The following FRMPD4 variants were observed in gnomAD, a reference collection of about 807,000 sequenced individuals.
FRMPD4 encodes FERM and PDZ domain-containing protein 4.
A neutral mutation model predicts 94.1 loss-of-function variants in FRMPD4; 22 were observed. That is an observed-to-expected ratio of 0.23 (90% CI 0.17 to 0.33). FRMPD4 has a LOEUF of 0.33. FRMPD4 is among the 10% of genes least tolerant of loss of function. The pLI is 1.00. For missense variants in FRMPD4, 1,111 were observed against 1,339.9 expected (o/e 0.83, Z 2.67); for synonymous variants, 631 against 548.6 (o/e 1.15, Z -2.10).
chrX:12,535,918 T>G (rs2058334211), intron 2 of FRMPD4, among the ~76,000 whole-genome samples: 1 of 110,720 alleles, frequency 9.0e-6, no homozygotes, highest in Non-Finnish European at 1.9e-5. Flanking sequence ...TGTAGCTCAT[T>G]GCCTGGTACC....
chrX:12,422,060 C>T (rs1206432893), intron 1 of FRMPD4, among the ~76,000 whole-genome samples: 2 of 112,043 alleles, frequency 1.8e-5, no homozygotes, highest in African/African-American at 3.2e-5. Context: ...GTATGTAAAA[C>T]ATTTCCTTTC....
chrX:11,845,206 A>G (rs1379380572), intron 1 of FRMPD4, among the ~76,000 whole-genome samples: 1 of 111,827 alleles, frequency 8.9e-6, no homozygotes, highest in Non-Finnish European at 1.9e-5. Flanking sequence ...TCTATTGACT[A>G]TTTTTCCCCT....
intron 3 of FRMPD4, among the ~76,000 whole-genome samples, chrX:11,996,402 T>C (rs377608786): frequency 7.9e-4 from 89 of 112,437 alleles, no homozygotes; most frequent in Non-Finnish European, 1.4e-3. Context: ...TTAACAATCA[T>C]GTTCCCAGAG....
intron 1 of FRMPD4, among the ~76,000 whole-genome samples, chrX:12,485,997 A>G (rs1178706010): frequency 9.0e-6 from 1 of 111,190 alleles, no homozygotes; most frequent in Non-Finnish European, 1.9e-5. Context: ...GTTGCTATCT[A>G]TTGTCAAACC....
At chrX:12,451,259 A>G (rs750016385) in intron 1 of FRMPD4, among the ~76,000 whole-genome samples, 2 of 111,740 alleles carry the variant, frequency 1.8e-5, no homozygotes, top group East Asian at 5.6e-4. Context: ...TATTCATAGT[A>G]TTTAGAACCC....
chrX:12,706,910 T>C lies in FRMPD4; in HGVS notation c.1282T>C (p.Leu428=). The change falls in exon 12 of 17, where the codon TTA becomes CTA. Residue 428 remains leucine (L), a synonymous_variant. Coordinates refer to ENST00000675598, the MANE Select transcript of FRMPD4 (RefSeq NM_001368397.1). ...TGGGGGCCGTGTGTTCAAGGCAACA[T>C]TAGTGGTAATTTCTTTTTTTTTTTT... The part of the protein sequence containing the change: ...LYGGRVFKAT[L]VQAEKRSEVT... The C allele has an allele frequency of 9.6e-7, 1 of 1,045,105 alleles. No homozygotes were observed. Among genetic ancestry groups the C allele is most frequent in the Non-Finnish European group, 1.3e-6 (1 of 765,747 alleles). The allele number at this position is 1,045,105 out of a possible 1,213,427, so 86.1% of individuals were successfully genotyped here. A position where few individuals can be genotyped will look rare whatever the true frequency, so the allele number is the denominator to read the frequency against.
At chrX:11,896,770 G>C in intron 3 of FRMPD4, among the ~76,000 whole-genome samples, 1 of 112,065 alleles carries the variant, frequency 8.9e-6, no homozygotes, top group Non-Finnish European at 1.9e-5. Context: ...GTGGTCCATG[G>C]ATTGGGCCAA....
At chrX:12,416,182 C>A (rs1569267449) in intron 1 of FRMPD4, among the ~76,000 whole-genome samples, 1 of 110,558 alleles carries the variant, frequency 9.0e-6, no homozygotes, top group Non-Finnish European at 1.9e-5. Flanking sequence ...CTACCTCTTC[C>A]GCCCTTCCTC....
intron 1 of FRMPD4, among the ~76,000 whole-genome samples, chrX:12,228,960 A>G (rs142015744): frequency 0.013 from 1,415 of 111,933 alleles, 12 homozygotes; most frequent in Middle Eastern, 0.018. Flanking sequence ...AGGAAGATTT[A>G]TTGGTGTTTT....
Position 12,018,411 on chromosome X carries a change from G to GT in FRMPD4, c.95+140400dup, listed in dbSNP as rs894146791. ...TACAGATTTCCCCTTCTTTTTTTTT[G>GT]TTTTTTTGTTTTTTTTGTTTTTGAG... On this transcript the variant is annotated intron_variant, in intron 3 of 18. Transcript: ENST00000640291. Among the ~76,000 whole-genome samples the GT allele has an allele frequency of 6.4e-5, 7 of 108,715 alleles. No individual in the cohort carries two copies. In the East Asian group the frequency reaches 1.1e-3, roughly 18 times the overall value. The allele number at this position is 108,715 out of a possible 115,157, so 94.4% of individuals were successfully genotyped here.
intron 3 of FRMPD4, among the ~76,000 whole-genome samples, chrX:12,017,097 C>T (rs2054608621): frequency 1.8e-5 from 2 of 111,873 alleles, no homozygotes; most frequent in African/African-American, 3.3e-5. Context: ...AGTTTGTGTA[C>T]GCTTCCTTAC....
At chrX:12,619,957 G>A (rs192138106) in intron 4 of FRMPD4, among the ~76,000 whole-genome samples, 19 of 112,612 alleles carry the variant, frequency 1.7e-4, no homozygotes, top group African/African-American at 5.8e-4. Flanking sequence ...TGTCCCCTCA[G>A]GCAGGCCTAC....
chrX:11,837,520 C>T (rs917406639), intron 1 of FRMPD4, among the ~76,000 whole-genome samples: 11 of 111,167 alleles, frequency 9.9e-5, no homozygotes, highest in African/African-American at 2.9e-4. Flanking sequence ...TGCAAAAATA[C>T]GTAATAGTGG....
intron 7 of FRMPD4, 61 bp from the exon 8 acceptor site, chrX:12,690,134 T>C: frequency 1.0e-6 from 1 of 999,557 alleles, no homozygotes; most frequent in Non-Finnish European, 1.4e-6. Flanking sequence ...TCAGTCATGG[T>C]AGACTCCACA....
At chrX:11,913,002 T>C in intron 3 of FRMPD4, among the ~76,000 whole-genome samples, 1 of 111,704 alleles carries the variant, frequency 9.0e-6, no homozygotes, top group Admixed American at 9.5e-5. Context: ...TGAAACTGCC[T>C]CTTAAAGGGG....
chrX:12,205,268 G>A (rs2056679453), intron 1 of FRMPD4, among the ~76,000 whole-genome samples: 1 of 110,783 alleles, frequency 9.0e-6, no homozygotes, highest in Non-Finnish European at 1.9e-5. Flanking sequence ...TTCACAGCCT[G>A]TTCCAGTTAT....
At chrX:11,858,682 C>T (rs1236000193) in intron 1 of FRMPD4, among the ~76,000 whole-genome samples, 1 of 111,315 alleles carries the variant, frequency 9.0e-6, no homozygotes, top group Non-Finnish European at 1.9e-5. Context: ...CAAACCTACA[C>T]TTGTACCCCT....
intron 1 of FRMPD4, among the ~76,000 whole-genome samples, chrX:11,834,578 T>C (rs2053491707): frequency 8.9e-6 from 1 of 112,086 alleles, no homozygotes; most frequent in Non-Finnish European, 1.9e-5. Flanking sequence ...GAAAATATCT[T>C]CTTCCATGTG....
At chrX:12,084,039 G>A (rs889356315) in intron 3 of FRMPD4, among the ~76,000 whole-genome samples, 8 of 110,684 alleles carry the variant, frequency 7.2e-5, no homozygotes, top group East Asian at 5.7e-4. Context: ...TTGGGAAGGC[G>A]TGATTGCTTT....
Sources: allele counts gnomAD v4.1 joint callset (sites outside exome capture counted in the v4.1 genomes callset), GRCh38; gene constraint gnomAD v4.1.1; transcripts MANE v1.5; gene names NCBI Gene and HGNC (gene_info 2026-07-23, HGNC 2026-07-21).